Variants in RAPGEF5 observed in about 807,000 individuals in gnomAD.
The protein encoded by RAPGEF5 is M-Ras-regulated GEF.
In RAPGEF5, 65 loss-of-function variants were observed where a neutral mutation model predicts 125.2. The observed-to-expected ratio is 0.52, with a 90% CI of 0.43 to 0.64. RAPGEF5 has a LOEUF of 0.64. Among genes scored for constraint, RAPGEF5 ranks in the 30% least tolerant of loss-of-function variants. The pLI is 0.00. For synonymous variants in RAPGEF5, 391 were observed against 385.9 expected (o/e 1.01, Z -0.16); for missense variants, 958 against 1,048.1 (o/e 0.91, Z 1.19).
intron 7 of RAPGEF5, 75 bp from the exon 8 acceptor site, chr7:22,230,994 C>T (rs1786042657): frequency 1.5e-6 from 2 of 1,352,424 alleles, no homozygotes; most frequent in Non-Finnish European, 2.1e-6. Context: ...TTTCAGATCG[C>T]AATTTAGCGG....
At chr7:22,206,296 T>C (rs1349998051) in intron 9 of RAPGEF5, among the ~76,000 whole-genome samples, 1 of 152,178 alleles carries the variant, frequency 6.6e-6, no homozygotes, top group Non-Finnish European at 1.5e-5. Context: ...CAGAATAAAA[T>C]GAATGTCTTT....
chr7:22,300,724 C>T (rs1783177791), intron 5 of RAPGEF5, among the ~76,000 whole-genome samples: 1 of 152,176 alleles, frequency 6.6e-6, no homozygotes, highest in South Asian at 2.1e-4. Context: ...GCTGGGGCTC[C>T]TCTGCCCAGT....
Position 22,122,421 on chromosome 7 carries a change from G to T in RAPGEF5, c.2637C>A (p.Ile879=). The T allele has an allele frequency of 6.2e-7, 1 of 1,613,342 alleles. No homozygotes were observed. ...GCAGTGGGGCTCACACCCGAGGCTCGATCCTGTGTGAGAGCTCAAACAGAG... is the reference window on the plus strand; with the variant it reads ...GCAGTGGGGCTCACACCCGAGGCTCTATCCTGTGTGAGAGCTCAAACAGAG... The part of the protein sequence containing the change: ...QQALFELSHR[I]EPRV The change falls in exon 26 of 26, where the codon ATC becomes ATA. Residue 879 remains isoleucine (I), a synonymous_variant. Transcript: ENST00000665637.
chr7:22,125,746 C>T, intron 24 of RAPGEF5, 88 bp from the exon 25 acceptor site: 2 of 1,214,854 alleles, frequency 1.6e-6, no homozygotes, highest in Non-Finnish European at 1.2e-6. Context: ...GAAGGATAAT[C>T]TAGCACTCTT....
intron 19 of RAPGEF5, among the ~76,000 whole-genome samples, chr7:22,145,971 T>C (rs370164006): frequency 2.1e-5 from 3 of 142,880 alleles, no homozygotes; most frequent in South Asian, 2.2e-4. Flanking sequence ...TGTGTGCGTG[T>C]GTGTGTGTGT....
chr7:22,153,874 G>T (rs1162912005), intron 17 of RAPGEF5, among the ~76,000 whole-genome samples: 3 of 152,232 alleles, frequency 2.0e-5, no homozygotes, highest in Non-Finnish European at 2.9e-5. Context: ...TAGATCAATA[G>T]TGTCAGCTTG....
intron 3 of RAPGEF5, among the ~76,000 whole-genome samples, chr7:22,310,773 G>C (rs1178592433): frequency 1.3e-5 from 2 of 152,046 alleles, no homozygotes; most frequent in Non-Finnish European, 2.9e-5. Flanking sequence ...AAGCAGCCCA[G>C]GTCACATAAC....
intron 6 of RAPGEF5, among the ~76,000 whole-genome samples, chr7:22,273,431 G>A (rs1436581692): frequency 2.0e-5 from 3 of 150,050 alleles, no homozygotes; most frequent in Non-Finnish European, 3.0e-5. Flanking sequence ...TGTTAGCCAG[G>A]ATGGTCTCGA....
intron 13 of RAPGEF5, among the ~76,000 whole-genome samples, chr7:22,161,697 T>G (rs1318140544): frequency 1.3e-5 from 2 of 152,232 alleles, no homozygotes; most frequent in Non-Finnish European, 2.9e-5. Context: ...GATGCCTAAA[T>G]GACAACTGAA....
At chr7:22,333,991 G>T (rs1334061129) in intron 1 of RAPGEF5, among the ~76,000 whole-genome samples, 1 of 147,106 alleles carries the variant, frequency 6.8e-6, no homozygotes, top group African/African-American at 2.5e-5. Flanking sequence ...CGTTGTGCAT[G>T]GGAGCGGCTG....
At chr7:22,236,330 C>T (rs1786187782) in intron 7 of RAPGEF5, among the ~76,000 whole-genome samples, 1 of 152,156 alleles carries the variant, frequency 6.6e-6, no homozygotes, top group African/African-American at 2.4e-5. Context: ...GTTCCAGGCC[C>T]ACATTTCCAG....
intron 22 of RAPGEF5, among the ~76,000 whole-genome samples, chr7:22,136,468 C>A (rs1465064617): frequency 2.0e-5 from 3 of 151,914 alleles, no homozygotes; most frequent in Admixed American, 1.3e-4. Flanking sequence ...TTGTTAGATA[C>A]ACCACCAAGA....
chr7:22,316,508 T>TTGAG (rs71026874), intron 2 of RAPGEF5, among the ~76,000 whole-genome samples: 1 of 139,890 alleles, frequency 7.1e-6, no homozygotes, highest in Non-Finnish European at 1.5e-5. Context: ...TTTTTTTTTT[T>TTGAG]GAGGCAGGGT....
intron 5 of RAPGEF5, among the ~76,000 whole-genome samples, chr7:22,304,542 G>A (rs1783287645): frequency 6.6e-6 from 1 of 152,194 alleles, no homozygotes; most frequent in Non-Finnish European, 1.5e-5. Context: ...CATTTCACTG[G>A]CATTCCAATT....
chr7:22,157,269 T>C (rs1433162868), intron 15 of RAPGEF5, among the ~76,000 whole-genome samples: 1 of 152,214 alleles, frequency 6.6e-6, no homozygotes, highest in Non-Finnish European at 1.5e-5. Flanking sequence ...ACATTTTTCA[T>C]GGAAGCAACT....
chr7:22,201,797 T>C (rs901827416), intron 9 of RAPGEF5, among the ~76,000 whole-genome samples: 1 of 152,216 alleles, frequency 6.6e-6, no homozygotes, highest in African/African-American at 2.4e-5. Context: ...AGCAGGCTTC[T>C]AGTTCCAATA....
At chr7:22,342,058 T>C (rs1010581256) in intron 1 of RAPGEF5, among the ~76,000 whole-genome samples, 1 of 152,242 alleles carries the variant, frequency 6.6e-6, no homozygotes, top group Non-Finnish European at 1.5e-5. Context: ...ATGAGGGCCC[T>C]GCTCCTGCAG....
At chr7:22,133,497 C>G (rs979937894) in intron 23 of RAPGEF5, among the ~76,000 whole-genome samples, 4 of 152,130 alleles carry the variant, frequency 2.6e-5, no homozygotes, top group Non-Finnish European at 5.9e-5. Flanking sequence ...CCTGAACACA[C>G]CCCAAACATC....
chr7:22,160,437 TA>T, intron 14 of RAPGEF5, 80 bp downstream of exon 14: 1 of 1,340,160 alleles, frequency 7.5e-7, no homozygotes, highest in Non-Finnish European at 1.0e-6. Flanking sequence ...AATCAACTTT[TA>T]TGTATAAGGC....
Sources: allele counts gnomAD v4.1 joint callset (sites outside exome capture counted in the v4.1 genomes callset), GRCh38; gene constraint gnomAD v4.1.1; transcripts MANE v1.5; gene names NCBI Gene and HGNC (gene_info 2026-07-23, HGNC 2026-07-21).